NCAM2: variants seen among roughly 807,000 people sequenced by gnomAD.
NCAM2 encodes N-CAM-2.
Under a neutral mutation model 98.1 loss-of-function variants are expected in NCAM2, and 30 were observed. The ratio of observed to expected loss-of-function variants is 0.31; its 90% CI spans 0.23 to 0.41. NCAM2 has a LOEUF of 0.41. NCAM2 is among the 10% of genes least tolerant of loss of function. The pLI is 1.00. For synonymous variants in NCAM2, 368 were observed against 342.4 expected (o/e 1.07, Z -0.83); for missense variants, 867 against 1,005.8 (o/e 0.86, Z 1.87).
chr21:21,068,170 T>C (rs1473262991), intron 1 of NCAM2, among the ~76,000 whole-genome samples: 4 of 142,954 alleles, frequency 2.8e-5, no homozygotes, highest in Non-Finnish European at 4.5e-5. Flanking sequence ...GGAGTCTTGC[T>C]CTGTCGCCTA....
intron 1 of NCAM2, among the ~76,000 whole-genome samples, chr21:21,265,901 T>C (rs2072251172): frequency 6.6e-6 from 1 of 152,056 alleles, no homozygotes; most frequent in Admixed American, 6.6e-5. Flanking sequence ...CCTGAATCTA[T>C]AATAAAAAAT....
intron 8 of NCAM2, among the ~76,000 whole-genome samples, chr21:21,347,038 A>G (rs1340702006): frequency 2.0e-5 from 3 of 152,124 alleles, no homozygotes; most frequent in Middle Eastern, 3.4e-3. Flanking sequence ...GAGCAGAAAT[A>G]AATGAAATTG....
chr21:21,062,713 A>G lies in NCAM2; in HGVS notation c.55+64095A>G, dbSNP rs142105081. ...TCAGTTTTTTTGAAAGACAAAATGT[A>G]TTGTTTGTTTTTAATTTTTATAGTG... On this transcript the variant is annotated intron_variant, in intron 1 of 17. Transcript: ENST00000400546. Among the ~76,000 whole-genome samples the G allele has an allele frequency of 1.4e-3, 207 of 152,294 alleles. 1 individual carries two copies. Among genetic ancestry groups the G allele is most frequent in the African/African-American group, 3.9e-3 (163 of 41,572 alleles).
intron 5 of NCAM2, among the ~76,000 whole-genome samples, chr21:21,308,087 G>A (rs1031006181): frequency 8.4e-5 from 9 of 106,552 alleles, no homozygotes; most frequent in Non-Finnish European, 1.5e-4. Context: ...ACACACACAC[G>A]TACACACACT....
rs950277292 is a variant in NCAM2, at chr21:21,273,351, T to TA, written c.56-7225dup. 2.0e-5 allele frequency among the ~76,000 whole-genome samples: 3 copies of TA among 152,118 alleles called. 1 individual carries two copies. Among genetic ancestry groups the TA allele is most frequent in the African/African-American group, 7.2e-5 (3 of 41,442 alleles). On this transcript the variant is annotated intron_variant, in intron 1 of 17. Transcript: ENST00000400546. ...GAGAAGAAAACAAAGAAGATATTGC[T>TA]AAGAAACAAATATTTAAGGGATACA...
chr21:21,197,924 T>A (rs2069063014), intron 1 of NCAM2, among the ~76,000 whole-genome samples: 2 of 152,150 alleles, frequency 1.3e-5, no homozygotes, highest in Non-Finnish European at 2.9e-5. Context: ...AATACTGAGT[T>A]TGAATGTTGC....
At chr21:21,499,220 A>G (rs1987459671) in intron 15 of NCAM2, among the ~76,000 whole-genome samples, 1 of 152,204 alleles carries the variant, frequency 6.6e-6, no homozygotes, top group African/African-American at 2.4e-5. Flanking sequence ...CTTAATGAAG[A>G]TAACATATTA....
At chr21:21,067,535 CTT>C (rs779208468) in intron 1 of NCAM2, among the ~76,000 whole-genome samples, 100 of 152,210 alleles carry the variant, frequency 6.6e-4, no homozygotes, top group Admixed American at 2.0e-3. Context: ...GTATTGAAAA[CTT>C]TGGGAGAATG....
chr21:21,422,983 A>G (rs1243443360), intron 11 of NCAM2, among the ~76,000 whole-genome samples: 1 of 152,084 alleles, frequency 6.6e-6, no homozygotes, highest in Non-Finnish European at 1.5e-5. Flanking sequence ...CATATTTATT[A>G]TTTCTTTTCT....
At chr21:21,503,854 C>A in intron 15 of NCAM2, among the ~76,000 whole-genome samples, 1 of 151,728 alleles carries the variant, frequency 6.6e-6, no homozygotes, top group East Asian at 1.9e-4. Context: ...ATATTTTTAA[C>A]TTTTTATATT....
chr21:21,343,427 G>T (rs534636147), intron 8 of NCAM2, among the ~76,000 whole-genome samples: 1 of 151,050 alleles, frequency 6.6e-6, no homozygotes, highest in East Asian at 2.0e-4. Context: ...CAGGTGAACA[G>T]TTGTAGTACT....
intron 1 of NCAM2, among the ~76,000 whole-genome samples, chr21:21,070,267 GTA>G (rs56050809): frequency 0.18 from 26,814 of 144,962 alleles, 2,557 homozygotes; most frequent in African/African-American, 0.2. Context: ...TGTACATAGT[GTA>G]TATATATATA....
chr21:21,520,232 T>C (rs867732183), intron 16 of NCAM2, among the ~76,000 whole-genome samples: 16 of 152,182 alleles, frequency 1.1e-4, no homozygotes, highest in African/African-American at 3.9e-4. Flanking sequence ...GACTCATTCC[T>C]TTCTATCAGG....
At chr21:21,304,304 G>A (rs564003593) in intron 5 of NCAM2, among the ~76,000 whole-genome samples, 19 of 135,518 alleles carry the variant, frequency 1.4e-4, no homozygotes, top group South Asian at 2.6e-4. Context: ...ACAAATTGGC[G>A]AAAGGTTTTG....
chr21:21,386,431 A>G (rs532030939), intron 9 of NCAM2, among the ~76,000 whole-genome samples: 1 of 152,302 alleles, frequency 6.6e-6, no homozygotes, highest in Non-Finnish European at 1.5e-5. Context: ...ATTTGCAGAC[A>G]TAAATTGGTT....
At chr21:21,129,475 A>AT (rs1371161679) in intron 1 of NCAM2, among the ~76,000 whole-genome samples, 18 of 152,124 alleles carry the variant, frequency 1.2e-4, no homozygotes. Flanking sequence ...GCCAGCTGCT[A>AT]TATCACGTGG....
At chr21:21,023,735 G>C (rs1427645702) in intron 1 of NCAM2, among the ~76,000 whole-genome samples, 1 of 151,922 alleles carries the variant, frequency 6.6e-6, no homozygotes, top group African/African-American at 2.4e-5. Flanking sequence ...ACTCATATAT[G>C]CATACATGTA....
At chr21:21,310,908 TAGCAC>T (rs1332190080) in intron 5 of NCAM2, among the ~76,000 whole-genome samples, 1 of 152,180 alleles carries the variant, frequency 6.6e-6, no homozygotes, top group Non-Finnish European at 1.5e-5. Context: ...AGTGCCATAT[TAGCAC>T]AGCTTTAGAA....
chr21:21,058,629 G>A (rs189456766), intron 1 of NCAM2, among the ~76,000 whole-genome samples: 14 of 150,954 alleles, frequency 9.3e-5, no homozygotes, highest in Non-Finnish European at 1.9e-4. Flanking sequence ...CATGGATTCA[G>A]GTGTTTGTGG....
Sources: gnomAD v4.1 joint callset for allele counts (sites outside exome capture counted in the v4.1 genomes callset) on GRCh38, gnomAD v4.1.1 for gene constraint, MANE v1.5 for transcripts, NCBI Gene and HGNC (gene_info 2026-07-23, HGNC 2026-07-21) for gene names.